The following DCC variants were observed in gnomAD, a reference collection of about 807,000 sequenced individuals.
DCC encodes the protein netrin receptor DCC.
DCC carries 58 observed loss-of-function variants against 172.5 expected under a neutral mutation model. The observed-to-expected ratio is 0.34, with a 90% CI of 0.27 to 0.42. The LOEUF is 0.42. Ranked by LOEUF, DCC falls within the 10% of genes least tolerant of loss-of-function variation. DCC has a pLI of 1.00. For synonymous variants in DCC, 709 were observed against 644.5 expected, an observed-to-expected ratio of 1.10 and a Z score of -1.52; for missense variants, 1,740 against 1,791.0, an observed-to-expected ratio of 0.97 and a Z score of 0.51.
intron 7 of DCC, among the ~76,000 whole-genome samples, chr18:53,103,643 TC>T (rs1194819219): frequency 7.2e-5 from 11 of 152,090 alleles, no homozygotes; most frequent in Admixed American, 7.2e-4. Flanking sequence ...AAATCAGCTG[TC>T]CCCAGAACAC....
chr18:53,029,083 C>A (rs2041994325), intron 5 of DCC, among the ~76,000 whole-genome samples: 1 of 148,074 alleles, frequency 6.8e-6, no homozygotes, highest in Non-Finnish European at 1.5e-5. Context: ...ATAATTAATT[C>A]ACAAAGAAGT....
chr18:52,868,435 T>C (rs2039263906), intron 2 of DCC, among the ~76,000 whole-genome samples: 1 of 152,150 alleles, frequency 6.6e-6, no homozygotes, highest in African/African-American at 2.4e-5. Flanking sequence ...GCATCTCTGA[T>C]AACCTACAAA....
chr18:53,529,828 T>C (rs1164372653), intron 28 of DCC, among the ~76,000 whole-genome samples: 1 of 152,194 alleles, frequency 6.6e-6, no homozygotes, highest in Admixed American at 6.5e-5. Flanking sequence ...GACATGATAA[T>C]AGTGACTTAT....
intron 1 of DCC, among the ~76,000 whole-genome samples, chr18:52,343,484 A>T (rs1983745852): frequency 6.6e-6 from 1 of 152,198 alleles, no homozygotes. Context: ...ATGATTTAAC[A>T]AAGGACAGCC....
chr18:52,498,607 G>C (rs963648336), intron 1 of DCC, among the ~76,000 whole-genome samples: 1 of 152,104 alleles, frequency 6.6e-6, no homozygotes, highest in East Asian at 1.9e-4. Flanking sequence ...CTGGGACACA[G>C]AGCGAGACTC....
At chr18:52,372,224 A>C (rs1985150702) in intron 1 of DCC, among the ~76,000 whole-genome samples, 1 of 152,330 alleles carries the variant, frequency 6.6e-6, no homozygotes, top group Non-Finnish European at 1.5e-5. Context: ...GTACGAGAGT[A>C]GTAACCTCTG....
chr18:53,207,669 A>G lies in DCC; in HGVS notation c.1723-10A>G, dbSNP rs1397729945. 2 of 1,613,024 alleles carry G rather than the reference A, an allele frequency of 1.2e-6. No individual in the cohort carries two copies. Among genetic ancestry groups the G allele is most frequent in the African/African-American group, 1.3e-5 (1 of 74,988 alleles). The stretch of plus-strand genomic sequence containing the variant: ...TCCTTGATAACAGTTTTGGTGTTTT[A>G]TGTCTCCAGAATATAGAGGTTGATG... On this transcript the variant is annotated splice_polypyrimidine_tract_variant and intron_variant, in intron 10 of 28. Coordinates refer to ENST00000442544, the MANE Select transcript of DCC (RefSeq NM_005215.4).
chr18:53,475,382 T>C (rs546606963), intron 25 of DCC, among the ~76,000 whole-genome samples: 1 of 152,200 alleles, frequency 6.6e-6, no homozygotes, highest in Admixed American at 6.5e-5. Context: ...ATCATGGCCC[T>C]GGAGGCCTTG....
At chr18:52,928,667 T>C (rs1453456115) in intron 5 of DCC, among the ~76,000 whole-genome samples, 2 of 152,172 alleles carry the variant, frequency 1.3e-5, no homozygotes, top group Non-Finnish European at 2.9e-5. Context: ...TGTTACAGTA[T>C]CCTCTGTGGG....
intron 14 of DCC, among the ~76,000 whole-genome samples, chr18:53,331,897 T>C (rs1217262006): frequency 6.6e-6 from 1 of 152,210 alleles, no homozygotes; most frequent in African/African-American, 2.4e-5. Context: ...TGAGGGTCTC[T>C]TCCCTAAAAA....
chr18:52,865,996 GTT>G, intron 2 of DCC, among the ~76,000 whole-genome samples: 1 of 151,974 alleles, frequency 6.6e-6, no homozygotes, highest in East Asian at 1.9e-4. Flanking sequence ...TATTGCCTGG[GTT>G]TTCTTCTAGG....
At chr18:53,388,031 A>G (rs1310168663) in intron 16 of DCC, among the ~76,000 whole-genome samples, 1 of 152,230 alleles carries the variant, frequency 6.6e-6, no homozygotes. Context: ...ATTCTAGCAT[A>G]TGACATTCCC....
intron 21 of DCC, among the ~76,000 whole-genome samples, chr18:53,417,407 C>G (rs148754173): frequency 6.6e-6 from 1 of 151,970 alleles, no homozygotes; most frequent in Admixed American, 6.6e-5. Flanking sequence ...CTTGCTTCCA[C>G]TGAAAATGTT....
intron 1 of DCC, among the ~76,000 whole-genome samples, chr18:52,660,399 A>C (rs1428434018): frequency 6.6e-6 from 1 of 152,102 alleles, no homozygotes; most frequent in Non-Finnish European, 1.5e-5. Flanking sequence ...CCAAACCACC[A>C]CACAAGAACA....
At chr18:53,161,249 C>A (rs1021828361) in intron 8 of DCC, among the ~76,000 whole-genome samples, 8 of 152,210 alleles carry the variant, frequency 5.3e-5, no homozygotes, top group Admixed American at 5.2e-4. Context: ...TCACCAATAA[C>A]CTCCTGTTGC....
At chr18:52,508,844 T>C (rs528552644) in intron 1 of DCC, among the ~76,000 whole-genome samples, 1 of 152,242 alleles carries the variant, frequency 6.6e-6, no homozygotes, top group East Asian at 1.9e-4. Flanking sequence ...GAAAAAAGGC[T>C]ATAAGAGGGA....
chr18:52,772,215 T>C (rs17469109), intron 2 of DCC, among the ~76,000 whole-genome samples: 15,093 of 152,284 alleles, frequency 0.099, 953 homozygotes, highest in Middle Eastern at 0.22. Context: ...GAATATCTCT[T>C]GGTTTAGGAA....
chr18:52,636,004 C>T (rs1349399871), intron 1 of DCC, among the ~76,000 whole-genome samples: 1 of 152,176 alleles, frequency 6.6e-6, no homozygotes, highest in Non-Finnish European at 1.5e-5. Context: ...CTGGGAGACA[C>T]CGCAAATACT....
chr18:53,096,286 C>G lies in DCC; in HGVS notation c.1261+30120C>G, dbSNP rs1317112562. Among the ~76,000 whole-genome samples the G allele has an allele frequency of 2.0e-5, 3 of 152,214 alleles. No homozygotes were observed. In the East Asian group the frequency reaches 5.8e-4, roughly 29 times the overall value. On this transcript the variant is annotated intron_variant, in intron 7 of 28. Transcript: ENST00000442544. Reference sequence around the variant, plus strand: ...CCTGAGGGCCCAAGGTTACAGCGAGCTATGATTGCACCCCTGCACTTTAGC... The same window carrying G: ...CCTGAGGGCCCAAGGTTACAGCGAGGTATGATTGCACCCCTGCACTTTAGC...
Sources: allele counts gnomAD v4.1 joint callset (sites outside exome capture counted in the v4.1 genomes callset), GRCh38; gene constraint gnomAD v4.1.1; transcripts MANE v1.5; gene names NCBI Gene and HGNC (gene_info 2026-07-23, HGNC 2026-07-21).